Variants in PTER observed in about 807,000 individuals in gnomAD.
The protein encoded by PTER is phosphotriesterase related.
A neutral mutation model predicts 29.6 loss-of-function variants in PTER; 38 were observed. That is an observed-to-expected ratio of 1.28 (90% confidence interval 0.99 to 1.68). PTER has a LOEUF of 1.68. Among genes scored for constraint, PTER ranks in the 40% most tolerant of loss-of-function variants. PTER has a pLI of 0.00. For missense variants in PTER, 482 were observed against 427.8 expected (o/e 1.13, Z -1.12); for synonymous variants, 172 against 154.5 (o/e 1.11, Z -0.84).
intron 1 of PTER, among the ~76,000 whole-genome samples, chr10:16,464,410 A>C (rs1834732665): frequency 6.6e-6 from 1 of 152,172 alleles, no homozygotes; most frequent in Non-Finnish European, 1.5e-5. Context: ...TTTGTTTTCA[A>C]ACTATGATTA....
chr10:16,500,845 A>G (rs181672024), intron 3 of PTER, among the ~76,000 whole-genome samples: 216 of 152,116 alleles, frequency 1.4e-3, no homozygotes, highest in Middle Eastern at 3.4e-3. Flanking sequence ...GGCTCAAGCA[A>G]TCCTCCTCAC....
At chr10:16,475,322 G>A (rs1210323273) in intron 1 of PTER, among the ~76,000 whole-genome samples, 1 of 152,190 alleles carries the variant, frequency 6.6e-6, no homozygotes, top group Non-Finnish European at 1.5e-5. Context: ...GGCTGGACTA[G>A]AATGTCCAGG....
chr10:16,441,456 T>G (rs2133355039), intron 1 of PTER, among the ~76,000 whole-genome samples: 1 of 152,306 alleles, frequency 6.6e-6, no homozygotes, highest in East Asian at 1.9e-4. Flanking sequence ...TCTAAGAGTA[T>G]CAGACTTAGG....
chr10:16,501,028 G>T (rs7917996), intron 3 of PTER, among the ~76,000 whole-genome samples: 82,995 of 151,836 alleles, frequency 0.55, 23,375 homozygotes, highest in East Asian at 0.83. Context: ...GCCTTCCAGG[G>T]TCAAGCGATT....
chr10:16,503,938 T>C (rs755213008), intron 3 of PTER, among the ~76,000 whole-genome samples: 1 of 152,192 alleles, frequency 6.6e-6, no homozygotes, highest in Non-Finnish European at 1.5e-5. Context: ...TCCCAACTCA[T>C]CTCCACGCCA....
chr10:16,456,862 T>TC (rs147690650), intron 1 of PTER, among the ~76,000 whole-genome samples: 2 of 113,598 alleles, frequency 1.8e-5, no homozygotes, highest in East Asian at 5.4e-4. Flanking sequence ...ATGGGGAAGG[T>TC]GGGGGGGGGT....
At position 16,511,261 on chromosome 10, in the gene PTER, G is replaced by A. The variant is rs188089867; in HGVS notation, c.*5G>A. ...CAATGGCTAACTTTCAAATAGGATG[G>A]TTGCTTATGAATTCACACCTTGAGT... On this transcript the variant is annotated 3_prime_UTR_variant, in exon 5 of 5. Coordinates refer to ENST00000535784, the MANE Select transcript of PTER (RefSeq NM_001261836.2). 131 of 1,610,392 alleles carry A rather than the reference G, an allele frequency of 8.1e-5. 1 individual carries two copies. In the Admixed American group the frequency reaches 1.7e-3, roughly 21 times the overall value.
At chr10:16,480,398 G>A (rs1222293606) in intron 1 of PTER, among the ~76,000 whole-genome samples, 3 of 151,924 alleles carry the variant, frequency 2.0e-5, no homozygotes, top group African/African-American at 7.3e-5. Context: ...GTTTCATCAT[G>A]CTGGCCAGGC....
chr10:16,486,643 T>C (rs1317080597), intron 3 of PTER, 26 bp downstream of exon 3: 1 of 1,587,604 alleles, frequency 6.3e-7, no homozygotes, highest in Admixed American at 1.8e-5. Context: ...TACAAATGGA[T>C]GCAAACTGCC....
At chr10:16,456,171 T>G (rs1452407147) in intron 1 of PTER, among the ~76,000 whole-genome samples, 1 of 152,226 alleles carries the variant, frequency 6.6e-6, no homozygotes, top group Non-Finnish European at 1.5e-5. Flanking sequence ...GTTTTGAGAC[T>G]CAAAGCAGCT....
chr10:16,497,336 T>C (rs1836150903), intron 3 of PTER, among the ~76,000 whole-genome samples: 1 of 152,088 alleles, frequency 6.6e-6, no homozygotes, highest in African/African-American at 2.4e-5. Context: ...AAAAATTAAG[T>C]GCTTCATTCT....
chr10:16,460,446 T>G (rs1159420740), intron 1 of PTER, among the ~76,000 whole-genome samples: 1 of 152,224 alleles, frequency 6.6e-6, no homozygotes, highest in East Asian at 1.9e-4. Flanking sequence ...AATTAAATGA[T>G]CTCCATAGTT....
At chr10:16,493,325 A>C (rs1835970977) in intron 3 of PTER, among the ~76,000 whole-genome samples, 1 of 152,226 alleles carries the variant, frequency 6.6e-6, no homozygotes, top group Non-Finnish European at 1.5e-5. Context: ...TAAGTAGTAC[A>C]GGGGTGTTTG....
At chr10:16,503,290 G>A (rs981396244) in intron 3 of PTER, among the ~76,000 whole-genome samples, 5 of 151,476 alleles carry the variant, frequency 3.3e-5, no homozygotes, top group South Asian at 2.1e-4. Flanking sequence ...GCAATGGCAC[G>A]ATCTCAGCTC....
chr10:16,460,835 G>C (rs1387004088), intron 1 of PTER, among the ~76,000 whole-genome samples: 1 of 151,978 alleles, frequency 6.6e-6, no homozygotes, highest in Non-Finnish European at 1.5e-5. Flanking sequence ...TCCTGCCTCA[G>C]CCTCCCAATT....
chr10:16,440,548 G>A (rs184726443), intron 1 of PTER, among the ~76,000 whole-genome samples: 2 of 152,324 alleles, frequency 1.3e-5, no homozygotes, highest in African/African-American at 4.8e-5. Context: ...TGAGAGCTGT[G>A]AATGTTAGCC....
At chr10:16,495,353 A>T (rs2133476252) in intron 3 of PTER, among the ~76,000 whole-genome samples, 1 of 152,214 alleles carries the variant, frequency 6.6e-6, no homozygotes, top group East Asian at 1.9e-4. Context: ...TATTTTTAGT[A>T]GAGACGAGGT....
At position 16,499,378 on chromosome 10, in the gene PTER, TAAG is replaced by T. The variant is rs576567837; in HGVS notation, c.699-5636_699-5634del. On this transcript the variant is annotated intron_variant, in intron 3 of 4. Coordinates refer to ENST00000535784, the MANE Select transcript of PTER (RefSeq NM_001261836.2). ...TTTTGCACTCAGTTTGCTTTGTCAATAAGAAGAATTTAAAGGAATTCATTCCCT... is the reference window on the plus strand; with the variant it reads ...TTTTGCACTCAGTTTGCTTTGTCAATAAGAATTTAAAGGAATTCATTCCCT... 2.0e-3 allele frequency among the ~76,000 whole-genome samples: 303 copies of T among 152,266 alleles called. 3 individuals are homozygous for T. The highest frequency in any genetic ancestry group is 6.3e-3 in the African/African-American group (262 of 41,558).
At chr10:16,502,441 G>A (rs577426267) in intron 3 of PTER, among the ~76,000 whole-genome samples, 44 of 152,196 alleles carry the variant, frequency 2.9e-4, no homozygotes, top group Middle Eastern at 3.4e-3. Context: ...TGGAAAATGA[G>A]TAGTATTAAT....
Sources: allele counts gnomAD v4.1 joint callset (sites outside exome capture counted in the v4.1 genomes callset), GRCh38; gene constraint gnomAD v4.1.1; transcripts MANE v1.5; gene names NCBI Gene and HGNC (gene_info 2026-07-23, HGNC 2026-07-21).